The following MRPL22 variants were observed in gnomAD, a reference collection of about 807,000 sequenced individuals.
MRPL22 encodes the protein mitochondrial ribosomal protein L22, also known as large ribosomal subunit protein uL22m.
A neutral mutation model predicts 32.4 loss-of-function variants in MRPL22; 27 were observed. That is an observed-to-expected ratio of 0.83 (90% confidence interval 0.61 to 1.15). The LOEUF is 1.15. MRPL22 is among the 50% of genes most tolerant of loss of function. The probability of loss-of-function intolerance (pLI) is 0.00; values close to 1 mark genes in which losing one functional copy is unlikely to be tolerated. For missense variants in MRPL22, 239 were observed against 260.2 expected (o/e 0.92, Z 0.56); for synonymous variants, 86 against 87.3 (o/e 0.99, Z 0.08).
rs140429564 is a variant in MRPL22, at chr5:154,965,865, G to A, written c.410-821G>A. Among the ~76,000 whole-genome samples, 33 of 152,216 alleles carry A rather than the reference G, an allele frequency of 2.2e-4. No individual in the cohort carries two copies. The East Asian group carries it at 6.2e-3, about 29-fold the overall frequency. ...GAATTTCTGGGGAGAGTTGGGGTAC[G>A]GGTGTTTGCCCAGGATGTAATTTCC... On this transcript the variant is annotated intron_variant, in intron 6 of 6. Transcript: ENST00000523037.
At chr5:154,957,940 G>A (rs544443382) in intron 5 of MRPL22, among the ~76,000 whole-genome samples, 14 of 130,564 alleles carry the variant, frequency 1.1e-4, no homozygotes, top group South Asian at 2.3e-4. Flanking sequence ...TTTTTGAGAC[G>A]GAGTCTAGCT....
chr5:154,950,982 C>G, intron 3 of MRPL22, 44 bp downstream of exon 3: 2 of 1,234,848 alleles, frequency 1.6e-6, no homozygotes, highest in Middle Eastern at 1.9e-4. Context: ...TGGTAGTGCT[C>G]TTACTCTTAA....
At chr5:154,941,191 G>A in intron 1 of MRPL22, 26 bp from the exon 2 acceptor site, 1 of 1,614,150 alleles carries the variant, frequency 6.2e-7, no homozygotes, top group Non-Finnish European at 8.5e-7. Context: ...TGGAATCTGA[G>A]TTGACGGCTT....
At chr5:154,951,934 G>A (rs1332400916) in intron 3 of MRPL22, among the ~76,000 whole-genome samples, 1 of 147,678 alleles carries the variant, frequency 6.8e-6, no homozygotes, top group Non-Finnish European at 1.5e-5. Flanking sequence ...CCAGGCTGGA[G>A]TGCAGTGGTG....
chr5:154,941,165 C>T (rs1185756856), intron 1 of MRPL22, 27 bp downstream of exon 1: 9 of 1,613,972 alleles, frequency 5.6e-6, no homozygotes, highest in Non-Finnish European at 7.6e-6. Context: ...GGTTAAGCGA[C>T]AGAAGGGAGT....
intron 2 of MRPL22, among the ~76,000 whole-genome samples, chr5:154,943,849 G>A (rs1310276142): frequency 2.0e-5 from 3 of 151,650 alleles, no homozygotes; most frequent in African/African-American, 4.8e-5. Context: ...AGTTTTAGTA[G>A]AGACAAAGTC....
intron 2 of MRPL22, among the ~76,000 whole-genome samples, chr5:154,943,628 A>G (rs565253067): frequency 1.3e-5 from 2 of 151,622 alleles, no homozygotes; most frequent in East Asian, 3.9e-4. Context: ...ATATACATAT[A>G]TACACATACA....
rs545059351 is a variant in MRPL22 at position 154,960,783 on chromosome 5, A to C, written c.409+734A>C. Among the ~76,000 whole-genome samples the C allele has an allele frequency of 5.9e-5, 9 of 152,322 alleles. No homozygotes were observed. The East Asian group carries it at 1.7e-3, about 29-fold the overall frequency. ...TCTTGCCTCCTCCCAACACCATGGG[A>C]AAGTGGAGCAGTGGTTGGAGTTATT... On this transcript the variant is annotated intron_variant, in intron 6 of 6. Coordinates refer to ENST00000523037, the MANE Select transcript of MRPL22 (RefSeq NM_014180.4).
intron 2 of MRPL22, among the ~76,000 whole-genome samples, chr5:154,946,639 C>G (rs1468646817): frequency 1.3e-5 from 2 of 151,246 alleles, no homozygotes; most frequent in South Asian, 4.3e-4. Flanking sequence ...CATGGTGAAA[C>G]CCCGTCTCTA....
At chr5:154,946,514 A>G (rs552371252) in intron 2 of MRPL22, among the ~76,000 whole-genome samples, 1 of 152,202 alleles carries the variant, frequency 6.6e-6, no homozygotes, top group African/African-American at 2.4e-5. Context: ...TTTATTTTTT[A>G]TGCCCTTAAA....
intron 6 of MRPL22, among the ~76,000 whole-genome samples, chr5:154,962,282 G>A (rs781353433): frequency 6.6e-6 from 1 of 152,046 alleles, no homozygotes; most frequent in Non-Finnish European, 1.5e-5. Flanking sequence ...CCCAGGCCTC[G>A]GCACAGACCC....
intron 2 of MRPL22, 139 bp downstream of exon 2, chr5:154,941,404 C>A: frequency 1.9e-6 from 2 of 1,036,256 alleles, no homozygotes; most frequent in Non-Finnish European, 1.4e-6. Context: ...CGAGTCTCTG[C>A]TTTGTCACTC....
At chr5:154,964,960 C>T (rs62382240) in intron 6 of MRPL22, among the ~76,000 whole-genome samples, 48 of 152,150 alleles carry the variant, frequency 3.2e-4, no homozygotes, top group Non-Finnish European at 6.8e-4. Context: ...GGGGACGCGC[C>T]GTGATGGGGT....
intron 6 of MRPL22, among the ~76,000 whole-genome samples, 175 bp downstream of exon 6, chr5:154,960,224 A>G (rs955063289): frequency 6.6e-6 from 1 of 152,204 alleles, no homozygotes; most frequent in Admixed American, 6.5e-5. Context: ...AGTGTAAATG[A>G]CAATAACTGT....
At chr5:154,958,611 C>G (rs1248603348) in intron 5 of MRPL22, among the ~76,000 whole-genome samples, 1 of 139,030 alleles carries the variant, frequency 7.2e-6, no homozygotes, top group Non-Finnish European at 1.5e-5. Context: ...GTGGCGCCAT[C>G]TCCGCTCACT....
chr5:154,958,161 C>T (rs965412851), intron 5 of MRPL22, among the ~76,000 whole-genome samples: 8 of 152,082 alleles, frequency 5.3e-5, no homozygotes, highest in South Asian at 2.1e-4. Context: ...TCAGGCGATC[C>T]GCCCACCTCA....
chr5:154,952,072 G>A (rs544417512), intron 3 of MRPL22, among the ~76,000 whole-genome samples: 71 of 152,006 alleles, frequency 4.7e-4, no homozygotes, highest in African/African-American at 1.6e-3. Context: ...TAGTAGAGAC[G>A]GGGTTTCATC....
chr5:154,966,022 G>A (rs1315657917), intron 6 of MRPL22, among the ~76,000 whole-genome samples: 1 of 152,180 alleles, frequency 6.6e-6, no homozygotes, highest in African/African-American at 2.4e-5. Flanking sequence ...ATTGACTCCA[G>A]TGGCTTCTCA....
intron 3 of MRPL22, among the ~76,000 whole-genome samples, chr5:154,954,824 C>T (rs1390546825): frequency 6.6e-6 from 1 of 152,194 alleles, no homozygotes; most frequent in Non-Finnish European, 1.5e-5. Flanking sequence ...CGGAGTCTCG[C>T]TCTGTCGCCC....
Sources: gnomAD v4.1 joint callset for allele counts (sites outside exome capture counted in the v4.1 genomes callset) on GRCh38, gnomAD v4.1.1 for gene constraint, MANE v1.5 for transcripts, NCBI Gene and HGNC (gene_info 2026-07-23, HGNC 2026-07-21) for gene names.